Variants in LCLAT1 observed in about 807,000 individuals in gnomAD.
LCLAT1 encodes the protein lysocardiolipin acyltransferase 1.
In LCLAT1, 11 loss-of-function variants were observed where a neutral mutation model predicts 30.7. The ratio of observed to expected loss-of-function variants is 0.36; its 90% CI spans 0.23 to 0.59. LCLAT1 has a LOEUF of 0.59. Among genes scored for constraint, LCLAT1 ranks in the 20% least tolerant of loss-of-function variants. The pLI, the probability that LCLAT1 is intolerant of heterozygous loss-of-function variation, is 0.77. For missense variants in LCLAT1, 402 were observed against 458.6 expected (o/e 0.88, Z 1.13); for synonymous variants, 155 against 151.3 (o/e 1.02, Z -0.18).
chr2:30,629,780 A>T (rs1330796767), intron 5 of LCLAT1, among the ~76,000 whole-genome samples: 1 of 152,210 alleles, frequency 6.6e-6, no homozygotes, highest in Non-Finnish European at 1.5e-5. Flanking sequence ...TTTTTGTGGA[A>T]AAAACTTAGA....
chr2:30,486,369 T>C (rs1420018101), intron 1 of LCLAT1, among the ~76,000 whole-genome samples: 2 of 152,242 alleles, frequency 1.3e-5, no homozygotes, highest in Admixed American at 6.5e-5. Context: ...GTATTTATTC[T>C]CATTTCATTG....
At chr2:30,504,957 G>A (rs1356480747) in intron 1 of LCLAT1, among the ~76,000 whole-genome samples, 1 of 152,062 alleles carries the variant, frequency 6.6e-6, no homozygotes, top group Non-Finnish European at 1.5e-5. Flanking sequence ...TCCAAAAATG[G>A]TATTGCATTT....
At chr2:30,624,968 A>T (rs536773102) in intron 5 of LCLAT1, among the ~76,000 whole-genome samples, 1 of 152,326 alleles carries the variant, frequency 6.6e-6, no homozygotes, top group Non-Finnish European at 1.5e-5. Context: ...GAACCCTTAA[A>T]ACCATGCAAA....
At chr2:30,588,834 A>C (rs1047663332) in intron 5 of LCLAT1, among the ~76,000 whole-genome samples, 5 of 152,162 alleles carry the variant, frequency 3.3e-5, no homozygotes, top group Non-Finnish European at 7.3e-5. Flanking sequence ...TCCCTACCTC[A>C]GGTGATCCAC....
intron 1 of LCLAT1, among the ~76,000 whole-genome samples, chr2:30,509,430 G>T (rs1193034009): frequency 6.6e-6 from 1 of 152,022 alleles, no homozygotes; most frequent in East Asian, 1.9e-4. Flanking sequence ...TTATTTTGAG[G>T]TATGTTCCTT....
intron 1 of LCLAT1, among the ~76,000 whole-genome samples, chr2:30,517,360 G>A (rs1310209781): frequency 6.6e-6 from 1 of 152,196 alleles, no homozygotes; most frequent in Non-Finnish European, 1.5e-5. Flanking sequence ...GACGTGGGTA[G>A]TTAGGTGGGA....
intron 1 of LCLAT1, among the ~76,000 whole-genome samples, chr2:30,492,684 ATATT>A (rs764457066): frequency 2.0e-5 from 3 of 152,118 alleles, no homozygotes; most frequent in Non-Finnish European, 1.5e-5. Context: ...AAAATGCTAG[ATATT>A]TTTAGTTCTT....
intron 5 of LCLAT1, among the ~76,000 whole-genome samples, chr2:30,591,194 A>G (rs1666679824): frequency 6.6e-6 from 1 of 152,168 alleles, no homozygotes; most frequent in African/African-American, 2.4e-5. Context: ...ATAGCTATTG[A>G]GGAAAATAAT....
chr2:30,520,897 G>A (rs1460142551), intron 1 of LCLAT1, among the ~76,000 whole-genome samples: 1 of 152,154 alleles, frequency 6.6e-6, no homozygotes, highest in African/African-American at 2.4e-5. Context: ...TGTCAGAGAT[G>A]TGTGAACTGG....
chr2:30,615,139 G>A (rs1457730199), intron 5 of LCLAT1, among the ~76,000 whole-genome samples: 1 of 152,132 alleles, frequency 6.6e-6, no homozygotes, highest in African/African-American at 2.4e-5. Context: ...AAGAGGGAAT[G>A]ATGGGAGAAG....
intron 5 of LCLAT1, among the ~76,000 whole-genome samples, chr2:30,575,298 T>C (rs1239923405): frequency 1.3e-5 from 2 of 152,096 alleles, no homozygotes; most frequent in African/African-American, 4.8e-5. Context: ...TTGAGCTCCT[T>C]TAGGATAGAG....
intron 1 of LCLAT1, among the ~76,000 whole-genome samples, chr2:30,448,749 G>C (rs962139555): frequency 6.6e-6 from 1 of 152,110 alleles, no homozygotes; most frequent in African/African-American, 2.4e-5. Flanking sequence ...ATGGAGATTT[G>C]GTCAGTTTGT....
At chr2:30,456,538 A>G (rs1206870136) in intron 1 of LCLAT1, among the ~76,000 whole-genome samples, 2 of 151,510 alleles carry the variant, frequency 1.3e-5, no homozygotes, top group African/African-American at 2.4e-5. Context: ...TAGGCTCCCT[A>G]CATGGCTTTT....
chr2:30,577,670 T>C (rs912431501), intron 5 of LCLAT1, among the ~76,000 whole-genome samples: 1 of 152,186 alleles, frequency 6.6e-6, no homozygotes, highest in African/African-American at 2.4e-5. Context: ...CTGATTTGAT[T>C]ATAATACACT....
At chr2:30,524,536 T>C (rs1416522585) in intron 1 of LCLAT1, among the ~76,000 whole-genome samples, 1 of 152,136 alleles carries the variant, frequency 6.6e-6, no homozygotes, top group Non-Finnish European at 1.5e-5. Flanking sequence ...AAACAACTGA[T>C]GGGTTTTAAA....
chr2:30,596,132 T>TTTATG lies in LCLAT1; in HGVS notation c.628+27959_628+27963dup, dbSNP rs1327874524. Among the ~76,000 whole-genome samples, 3 of 152,342 alleles carry TTTATG rather than the reference T, an allele frequency of 2.0e-5. No individual in the cohort carries two copies. In the East Asian group the frequency reaches 5.8e-4, roughly 29 times the overall value. ...TGTATCTTTCTTTATAATAGAATGA[T>TTTATG]TTATGTTCCATTGGGTATATACCGA... On this transcript the variant is annotated intron_variant, in intron 5 of 5. Coordinates refer to ENST00000379509, the MANE Select transcript of LCLAT1 (RefSeq NM_001002257.3).
chr2:30,496,498 A>C (rs1002968025), intron 1 of LCLAT1, among the ~76,000 whole-genome samples: 2 of 152,190 alleles, frequency 1.3e-5, no homozygotes, highest in Non-Finnish European at 2.9e-5. Flanking sequence ...GTAGGCTCAG[A>C]GATATCTCCA....
At chr2:30,560,812 G>A (rs1436882297) in intron 3 of LCLAT1, among the ~76,000 whole-genome samples, 1 of 152,230 alleles carries the variant, frequency 6.6e-6, no homozygotes, top group Admixed American at 6.5e-5. Flanking sequence ...ATGGCAGGAA[G>A]AGAGGTGGAT....
intron 1 of LCLAT1, among the ~76,000 whole-genome samples, chr2:30,479,988 G>C (rs1306043581): frequency 1.3e-5 from 2 of 152,044 alleles, no homozygotes; most frequent in African/African-American, 2.4e-5. Flanking sequence ...ATTTCAATCA[G>C]GTTAAACACT....
Sources: allele counts gnomAD v4.1 joint callset (sites outside exome capture counted in the v4.1 genomes callset), GRCh38; gene constraint gnomAD v4.1.1; transcripts MANE v1.5; gene names NCBI Gene and HGNC (gene_info 2026-07-23, HGNC 2026-07-21).